The following MTUS1 variants were observed in gnomAD, a reference collection of about 807,000 sequenced individuals.
MTUS1 encodes microtubule-associated tumor suppressor 1.
Under a neutral mutation model 120.8 loss-of-function variants are expected in MTUS1, and 109 were observed. That is an observed-to-expected ratio of 0.90 (90% CI 0.77 to 1.06). MTUS1 has a LOEUF of 1.06. Among genes scored for constraint, MTUS1 ranks in the 50% least tolerant of loss-of-function variants. MTUS1 has a pLI of 0.00. For missense variants in MTUS1, 2,210 were observed against 1,486.3 expected (o/e 1.49, Z -8.01); for synonymous variants, 737 against 550.5 (o/e 1.34, Z -4.74).
In MTUS1 at chr8:17,645,632, AAG is replaced by A. The variant is rs1433216980; in HGVS notation, c.*292_*293del. ...TTTTTCCCCCTATGCTTAGGTGAAA[AAG>A]GCAATGAACAAGATGCTCTCGTTCT... On this transcript the variant is annotated 3_prime_UTR_variant, in exon 15 of 15. Transcript: ENST00000693296. 1.1e-5 allele frequency: 3 copies of A among 261,380 alleles called. No individual in the cohort carries two copies. The highest frequency in any genetic ancestry group is 2.1e-5 in the Non-Finnish European group (3 of 139,786). The allele number at this position is 261,380 out of a possible 1,614,324, so 16.2% of individuals were successfully genotyped here. A position where few individuals can be genotyped will look rare whatever the true frequency, so the allele number is the denominator to read the frequency against.
chr8:17,719,703 C>T lies in MTUS1; in HGVS notation c.2450-3802G>A, dbSNP rs533043025. On this transcript the variant is annotated intron_variant, in intron 4 of 14. Transcript: ENST00000693296. ...GAAACCACTGACACCATCCTACAGG[C>T]GAATTCTTATCCACTAACCAGTGTT... 3.9e-5 allele frequency among the ~76,000 whole-genome samples: 6 copies of T among 152,180 alleles called. No homozygotes were observed. In the East Asian group the frequency reaches 1.2e-3, roughly 29 times the overall value.
At chr8:17,688,630 G>A (rs919904913) in intron 6 of MTUS1, among the ~76,000 whole-genome samples, 1 of 152,198 alleles carries the variant, frequency 6.6e-6, no homozygotes, top group Non-Finnish European at 1.5e-5. Flanking sequence ...TGACACAGAA[G>A]TTCTTTCAGT....
chr8:17,718,225 G>A (rs1453426069), intron 4 of MTUS1, among the ~76,000 whole-genome samples: 1 of 152,112 alleles, frequency 6.6e-6, no homozygotes, highest in African/African-American at 2.4e-5. Flanking sequence ...TTCCTAACAT[G>A]GCAACTGACT....
At chr8:17,783,240 A>G (rs931745526) in intron 1 of MTUS1, among the ~76,000 whole-genome samples, 1 of 152,224 alleles carries the variant, frequency 6.6e-6, no homozygotes, top group Non-Finnish European at 1.5e-5. Flanking sequence ...GCACCTGCCC[A>G]GTGAAGTCTC....
At chr8:17,650,503 A>AG (rs200432533) in intron 12 of MTUS1, among the ~76,000 whole-genome samples, 3,045 of 152,290 alleles carry the variant, frequency 0.02, 37 homozygotes, top group Non-Finnish European at 0.031. Context: ...GTGACACCCC[A>AG]GTACCTACAC....
chr8:17,689,031 G>A (rs926949038), intron 6 of MTUS1, among the ~76,000 whole-genome samples: 1 of 152,100 alleles, frequency 6.6e-6, no homozygotes, highest in Non-Finnish European at 1.5e-5. Context: ...CTAACACAGT[G>A]AAACCCCATC....
intron 8 of MTUS1, among the ~76,000 whole-genome samples, chr8:17,671,630 G>A (rs1209286313): frequency 2.0e-5 from 3 of 152,240 alleles, no homozygotes; most frequent in Non-Finnish European, 4.4e-5. Flanking sequence ...ACAGCTGGAG[G>A]CTGTTAGATG....
chr8:17,728,097 C>G (rs374669938), intron 3 of MTUS1, among the ~76,000 whole-genome samples: 25 of 152,122 alleles, frequency 1.6e-4, no homozygotes, highest in East Asian at 5.8e-4. Flanking sequence ...TAATATTATC[C>G]TATTCTGTAA....
rs544401619 is a variant in MTUS1, at chr8:17,749,233, C to G, written c.2091+4484G>C. On this transcript the variant is annotated intron_variant, in intron 2 of 14. Coordinates refer to ENST00000693296, the MANE Select transcript of MTUS1 (RefSeq NM_001363059.2). Reference sequence around the variant, plus strand: ...TCTGATAAGCAACATTTACAATCAACTCCCCCTGAAGCCGGCTACCTGAAG... The same window carrying G: ...TCTGATAAGCAACATTTACAATCAAGTCCCCCTGAAGCCGGCTACCTGAAG... Among the ~76,000 whole-genome samples the G allele has an allele frequency of 2.0e-5, 3 of 152,294 alleles. No individual in the cohort carries two copies. In the South Asian group the frequency reaches 6.2e-4, roughly 32 times the overall value.
intron 8 of MTUS1, among the ~76,000 whole-genome samples, chr8:17,658,238 G>A (rs771465236): frequency 6.6e-6 from 1 of 152,128 alleles, no homozygotes; most frequent in Non-Finnish European, 1.5e-5. Context: ...GTTTTACCAT[G>A]TTGGTCAGGC....
intron 6 of MTUS1, among the ~76,000 whole-genome samples, chr8:17,689,633 G>T (rs1299906455): frequency 1.3e-5 from 2 of 152,098 alleles, no homozygotes; most frequent in African/African-American, 4.8e-5. Context: ...TTTTAAGAAG[G>T]CATTGCCTCT....
At chr8:17,709,432 T>C (rs539952604) in intron 6 of MTUS1, among the ~76,000 whole-genome samples, 1 of 152,216 alleles carries the variant, frequency 6.6e-6, no homozygotes, top group East Asian at 1.9e-4. Flanking sequence ...GCAGGTTTTT[T>C]ATTTTATTTT....
chr8:17,703,060 T>G (rs1242452934), intron 6 of MTUS1, among the ~76,000 whole-genome samples: 1 of 152,166 alleles, frequency 6.6e-6, no homozygotes, highest in Non-Finnish European at 1.5e-5. Flanking sequence ...AAATGTTTAT[T>G]TGAACAATAT....
chr8:17,647,705 G>T (rs961993014), intron 13 of MTUS1, among the ~76,000 whole-genome samples: 4 of 152,142 alleles, frequency 2.6e-5, no homozygotes, highest in African/African-American at 9.7e-5. Context: ...GCCCTGTGCA[G>T]GCTGAACTTT....
At chr8:17,653,571 A>G in intron 10 of MTUS1, 73 bp from the exon 11 acceptor site, 5 of 1,079,286 alleles carry the variant, frequency 4.6e-6, no homozygotes, top group Non-Finnish European at 6.9e-6. Flanking sequence ...CAGTTAAAGC[A>G]TATAGATGTA....
rs1029265532 is a variant in MTUS1, at chr8:17,786,748, C to T, written c.-155+14313G>A. On this transcript the variant is annotated intron_variant, in intron 1 of 14. Transcript: ENST00000693296. ...GCTGGAAGAAATGGATCCACCCGAGCGGTATGAAGGAGCTGGGTTTCATAT... is the reference window on the plus strand; with the variant it reads ...GCTGGAAGAAATGGATCCACCCGAGTGGTATGAAGGAGCTGGGTTTCATAT... Among the ~76,000 whole-genome samples the T allele has an allele frequency of 4.0e-4, 61 of 152,138 alleles. 1 individual carries two copies. The highest frequency in any genetic ancestry group is 2.0e-3 in the Admixed American group (31 of 15,288).
rs1249477072 is a variant in MTUS1 at position 17,653,355 on chromosome 8, T to A, written c.3288+70A>T. The A allele has an allele frequency of 2.0e-6, 3 of 1,527,680 alleles. No homozygotes were observed. In the African/African-American group the frequency reaches 4.2e-5, roughly 21 times the overall value. The allele number at this position is 1,527,680 out of a possible 1,614,324, so 94.6% of individuals were successfully genotyped here. A position where few individuals can be genotyped will look rare whatever the true frequency, so the allele number is the denominator to read the frequency against. On this transcript the variant is annotated intron_variant, in intron 11 of 14. Transcript: ENST00000693296. ...AACTCAGCATACGTACACAGAAACA[T>A]TAAAACCAAACAAAATCAAAAATGA...
intron 12 of MTUS1, among the ~76,000 whole-genome samples, chr8:17,652,343 C>T (rs774924447): frequency 3.9e-5 from 6 of 152,328 alleles, no homozygotes; most frequent in South Asian, 2.1e-4. Context: ...GGCTACACCA[C>T]GGATGAACCT....
At chr8:17,680,057 A>G (rs1814026186) in intron 7 of MTUS1, among the ~76,000 whole-genome samples, 1 of 152,174 alleles carries the variant, frequency 6.6e-6, no homozygotes, top group Admixed American at 6.5e-5. Context: ...AAGCAAAAAC[A>G]AGCATTAAAC....
Sources: gnomAD v4.1 joint callset for allele counts (sites outside exome capture counted in the v4.1 genomes callset) on GRCh38, gnomAD v4.1.1 for gene constraint, MANE v1.5 for transcripts, NCBI Gene and HGNC (gene_info 2026-07-23, HGNC 2026-07-21) for gene names.